The following ZNF836 variants were observed in gnomAD, a reference collection of about 807,000 sequenced individuals.
ZNF836 encodes zinc finger protein 836.
ZNF836 carries 12 observed loss-of-function variants against 7.4 expected under a neutral mutation model. The observed-to-expected ratio is 1.61, with a 90% CI of 1.03 to 2.61. ZNF836 has a LOEUF of 2.61. Among genes scored for constraint, ZNF836 ranks in the 30% most tolerant of loss-of-function variants. ZNF836 has a pLI of 0.00. For missense variants in ZNF836, 998 were observed against 1,126.2 expected, an observed-to-expected ratio of 0.89 and a Z score of 1.63; for synonymous variants, 365 against 382.6, an observed-to-expected ratio of 0.95 and a Z score of 0.54.
chr19:52,156,772 C>T lies in ZNF836; in HGVS notation c.911G>A (p.Cys304Tyr). 1 of 1,607,638 alleles carries T rather than the reference C, an allele frequency of 6.2e-7. No individual in the cohort carries two copies. Among genetic ancestry groups the T allele is most frequent in the Non-Finnish European group, 8.5e-7 (1 of 1,175,450 alleles). ...ACTAAAGGACTTGCCACATTCATTA[C>T]ATTTGTACGGTTTCTCTCCAGTGTG... ...RSHTGEKPYK[C>Y]NECGKSFSQS... The change falls in exon 5 of 5, where the codon TGT becomes TAT. Residue 304 changes from cysteine to tyrosine, a missense_variant. Coordinates refer to ENST00000682614, the MANE Select transcript of ZNF836 (RefSeq NM_001102657.3).
rs2089210636 is a variant in ZNF836, at chr19:52,161,301, T to A, written c.16-710A>T. On this transcript the variant is annotated intron_variant, in intron 3 of 4. Transcript: ENST00000682614. The surrounding 1 kb of genome is among the most constrained non-coding windows in gnomAD (Gnocchi z 4.1). ...TGCTGCTGTACCAAGTAAAACAGACTGGGTAATTTATGAACAATAGAAATG... is the reference window on the plus strand; with the variant it reads ...TGCTGCTGTACCAAGTAAAACAGACAGGGTAATTTATGAACAATAGAAATG... 6.6e-6 allele frequency among the ~76,000 whole-genome samples: 1 copy of A among 152,162 alleles called. No individual in the cohort carries two copies. The highest frequency in any genetic ancestry group is 2.1e-4 in the South Asian group (1 of 4,828).
Position 52,156,821 on chromosome 19 carries a change from C to T in ZNF836, c.862G>A (p.Asp288Asn). The T allele has an allele frequency of 1.2e-6, 2 of 1,614,118 alleles. No homozygotes were observed. The highest frequency in any genetic ancestry group is 1.1e-5 in the South Asian group (1 of 91,078). ...TGACTTCTCCGGTGATTTACAAGAT[C>T]TGAATTTTGTCTGAAGATCTTGCCA... ...VCGKIFRQNS[D>N]LVNHRRSHTG... Residue 288 changes from aspartate (D) to asparagine (N), a missense_variant, in exon 5 of 5, where the codon GAT becomes AAT. Asp to Asn is a conservative substitution (Grantham distance 23). Transcript: ENST00000682614.
rs368554748 is a variant in ZNF836, at chr19:52,155,196, A to G, written c.2487T>C (p.Thr829=). Residue 829 remains threonine (T), a synonymous_variant, in exon 5 of 5, where the codon ACT becomes ACC. Transcript: ENST00000682614. Reference sequence around the variant, plus strand: ...CATTACATTTGTAAGGTTTGTCCCCAGTATGCATTTTCTGATGATTAACCA... The same window carrying G: ...CATTACATTTGTAAGGTTTGTCCCCGGTATGCATTTTCTGATGATTAACCA... ...SILVNHQKMH[T]GDKPYKCNEC... is the part of the protein sequence containing the mutation. The G allele has an allele frequency of 9.9e-5, 159 of 1,614,176 alleles. No individual in the cohort carries two copies. In the South Asian group the frequency reaches 1.6e-3, roughly 16 times the overall value.
chr19:52,167,447 G>A (rs938254915), intron 3 of ZNF836, among the ~76,000 whole-genome samples: 1 of 140,102 alleles, frequency 7.1e-6, no homozygotes, highest in African/African-American at 2.8e-5. Context: ...CCTCCAGCCT[G>A]GGCAACAAGA....
intron 2 of ZNF836, among the ~76,000 whole-genome samples, chr19:52,168,934 C>G (rs754963637): frequency 6.6e-6 from 1 of 152,088 alleles, no homozygotes; most frequent in African/African-American, 2.4e-5. Flanking sequence ...CAGGGTAGAA[C>G]AGTTGTTGCC....
intron 4 of ZNF836, among the ~76,000 whole-genome samples, chr19:52,159,685 T>C (rs1568571421): frequency 6.6e-6 from 1 of 152,112 alleles, no homozygotes; most frequent in African/African-American, 2.4e-5. Context: ...ACTGCAATAA[T>C]GGGAGTGTAA....
Position 52,156,037 on chromosome 19 carries a change from G to A in ZNF836, c.1646C>T (p.Thr549Ile), listed in dbSNP as rs753037350. Residue 549 changes from threonine to isoleucine, a missense_variant, in exon 5 of 5, where the codon ACT (threonine) becomes ATT (isoleucine). Coordinates refer to ENST00000682614, the MANE Select transcript of ZNF836 (RefSeq NM_001102657.3). ...ATTACATTTGTAAGGTTGCTCCCCAGTATGAATTCTTAAATGTCTTACAAG... is the reference window on the plus strand; with the variant it reads ...ATTACATTTGTAAGGTTGCTCCCCAATATGAATTCTTAAATGTCTTACAAG... Reference protein sequence around the residue: ...SCLVRHLRIHTGEQPYKCNVC... With the variant: ...SCLVRHLRIHIGEQPYKCNVC... 2.5e-6 allele frequency: 4 copies of A among 1,614,042 alleles called. No individual in the cohort carries two copies. The highest frequency in any genetic ancestry group is 3.4e-6 in the Non-Finnish European group (4 of 1,179,924).
chr19:52,161,729 A>G lies in ZNF836; in HGVS notation c.16-1138T>C, dbSNP rs1275649346. 2.0e-5 allele frequency among the ~76,000 whole-genome samples: 3 copies of G among 152,078 alleles called. No homozygotes were observed. The highest frequency in any genetic ancestry group is 2.9e-5 in the Non-Finnish European group (2 of 68,018). The stretch of plus-strand genomic sequence containing the variant: ...GATATACTTCTCACAAACAAAATAC[A>G]TTCTATCCTAATGGCTCCCAAAGCT... On this transcript the variant is annotated intron_variant, in intron 3 of 4. Coordinates refer to ENST00000682614, the MANE Select transcript of ZNF836 (RefSeq NM_001102657.3). This position sits in a 1 kb window ranked among gnomAD's most constrained non-coding sequence, Gnocchi z 4.1.
In ZNF836 at chr19:52,156,011, C is replaced by T. The variant is rs2089154161; in HGVS notation, c.1672G>A (p.Val558Met). The change falls in exon 5 of 5, where the codon GTG (valine) becomes ATG (methionine). Residue 558 changes from valine to methionine, a missense_variant. Val to Met is a conservative substitution (Grantham distance 21). Transcript: ENST00000682614. ...HTGEQPYKCN[V>M]CGKVFNYSGN... ...CTGTAATTGAAGACCTTGCCACACA[C>T]ATTACATTTGTAAGGTTGCTCCCCA... 1 of 1,613,856 alleles carries T rather than the reference C, an allele frequency of 6.2e-7. No individual in the cohort carries two copies. Among genetic ancestry groups the T allele is most frequent in the South Asian group, 1.1e-5 (1 of 91,084 alleles).
At chr19:52,157,685 C>T (rs2089178863) in intron 4 of ZNF836, 145 bp from the exon 5 acceptor site, 1 of 690,808 alleles carries the variant, frequency 1.4e-6, no homozygotes. Context: ...ATTCTTCTGC[C>T]TCAGCCTCCT....
At chr19:52,169,575 G>A (rs117054603) in intron 2 of ZNF836, 73 bp downstream of exon 2, 2,368 of 151,788 alleles carry the variant, frequency 0.016, 40 homozygotes, top group Middle Eastern at 0.071. Context: ...GCGAAACTCC[G>A]TCCCAAAAAA....
intron 3 of ZNF836, among the ~76,000 whole-genome samples, chr19:52,167,185 T>C (rs1325245709): frequency 2.0e-5 from 3 of 151,766 alleles, no homozygotes; most frequent in Non-Finnish European, 2.9e-5. Flanking sequence ...TTAAAATCAA[T>C]GATGGGCCAG....
At chr19:52,164,327 A>C (rs2122223442) in intron 3 of ZNF836, among the ~76,000 whole-genome samples, 1 of 149,824 alleles carries the variant, frequency 6.7e-6, no homozygotes, top group East Asian at 2.1e-4. Flanking sequence ...CAGGAGGCAG[A>C]GGTTGCAGTG....
Position 52,155,382 on chromosome 19 carries a change from C to T in ZNF836, c.2301G>A (p.Arg767=), listed in dbSNP as rs2089143431. 3 of 1,612,656 alleles carry T rather than the reference C, an allele frequency of 1.9e-6. No individual in the cohort carries two copies. Among genetic ancestry groups the T allele is most frequent in the Admixed American group, 1.7e-5 (1 of 59,860 alleles). ...QVFNSTSNLA[R]HRRIHTGEKP... is the part of the protein sequence containing the mutation. ...TCTCTCCAGTGTGAATTCTCCGATG[C>T]CTTGCAAGGTTCGAAGTGGAATTAA... Residue 767 remains arginine, a synonymous_variant, in exon 5 of 5, where the codon AGG becomes AGA. Coordinates refer to ENST00000682614, the MANE Select transcript of ZNF836 (RefSeq NM_001102657.3).
chr19:52,154,871 A>T lies in ZNF836; in HGVS notation c.*1T>A. ...ATACAAGCTATATCAATAAGTATGA[A>T]TTATTTGAACCCAGAAGTTAGGAGA... On this transcript the variant is annotated 3_prime_UTR_variant, in exon 5 of 5. Transcript: ENST00000682614. 1 of 1,510,390 alleles carries T rather than the reference A, an allele frequency of 6.6e-7. No individual in the cohort carries two copies. The highest frequency in any genetic ancestry group is 8.8e-7 in the Non-Finnish European group (1 of 1,131,814). The allele number at this position is 1,510,390 out of a possible 1,614,324, so 93.6% of individuals were successfully genotyped here.
At position 52,156,851 on chromosome 19, in the gene ZNF836, C is replaced by T. The variant is rs776758375; in HGVS notation, c.832G>A (p.Val278Ile). Reference sequence around the variant, plus strand: ...TTTTGTCTGAAGATCTTGCCACATACACCACATTGATATGGCTTCCCCCTT... The same window carrying T: ...TTTTGTCTGAAGATCTTGCCACATATACCACATTGATATGGCTTCCCCCTT... ...HTRGKPYQCG[V>I]CGKIFRQNSD... Residue 278 changes from valine (V) to isoleucine (I), a missense_variant, in exon 5 of 5, where the codon GTA (valine) becomes ATA (isoleucine). Transcript: ENST00000682614. The T allele has an allele frequency of 6.2e-7, 1 of 1,614,192 alleles. No homozygotes were observed. The highest frequency in any genetic ancestry group is 8.5e-7 in the Non-Finnish European group (1 of 1,180,044).
chr19:52,164,300 G>A (rs1161799223), intron 3 of ZNF836, among the ~76,000 whole-genome samples: 1 of 151,680 alleles, frequency 6.6e-6, no homozygotes, highest in East Asian at 1.9e-4. Flanking sequence ...GGTTAAGGTA[G>A]GAGAATTGCT....
rs1600138462 is a variant in ZNF836 at position 52,157,106 on chromosome 19, T to C, written c.577A>G (p.Lys193Glu). 1.2e-6 allele frequency: 2 copies of C among 1,613,902 alleles called. No homozygotes were observed. The highest frequency in any genetic ancestry group is 2.2e-5 in the East Asian group (1 of 44,878). The change falls in exon 5 of 5, where the codon AAA (lysine) becomes GAA (glutamate). Residue 193 changes from lysine (K) to glutamate (E), a missense_variant. Coordinates refer to ENST00000682614, the MANE Select transcript of ZNF836 (RefSeq NM_001102657.3). ...ILPSVQTNISKKYENEFLQLS... is the reference protein window; with the variant it reads ...ILPSVQTNISEKYENEFLQLS... ...TGCAAAAACTCATTCTCATATTTTT[T>C]AGAAATGTTGGTTTGGACACTAGGA... is the stretch of plus-strand genomic sequence containing the variant.
rs78219002 is a variant in ZNF836 at position 52,161,892 on chromosome 19, C to T, written c.16-1301G>A. On this transcript the variant is annotated intron_variant, in intron 3 of 4. Transcript: ENST00000682614. The surrounding 1 kb of genome is among the most constrained non-coding windows in gnomAD (Gnocchi z 4.1). ...CTAGTTGTGAACCTATGAAAGCAAACGAGTTATGTGCTTCCAAAATACAAT... is the reference window on the plus strand; with the variant it reads ...CTAGTTGTGAACCTATGAAAGCAAATGAGTTATGTGCTTCCAAAATACAAT... Among the ~76,000 whole-genome samples, 18 of 152,214 alleles carry T rather than the reference C, an allele frequency of 1.2e-4. No individual in the cohort carries two copies. Among genetic ancestry groups the T allele is most frequent in the Non-Finnish European group, 2.1e-4 (14 of 68,022 alleles).
Sources: gnomAD v4.1 joint callset for allele counts (sites outside exome capture counted in the v4.1 genomes callset) on GRCh38, gnomAD v4.1.1 for gene constraint, Gnocchi (gnomAD v3.1) non-coding constraint, MANE v1.5 for transcripts, NCBI Gene and HGNC (gene_info 2026-07-23, HGNC 2026-07-21) for gene names.